The following EXOC6B variants were observed in gnomAD, a reference collection of about 807,000 sequenced individuals.
EXOC6B encodes the protein exocyst complex component 6B, also known as SEC15 homolog B.
EXOC6B carries 54 observed loss-of-function variants against 113.5 expected under a neutral mutation model. The ratio of observed to expected loss-of-function variants is 0.48; its 90% CI spans 0.38 to 0.60. The LOEUF (loss-of-function observed/expected upper bound fraction) is 0.60, where lower values mean the gene tolerates loss of function less well. Among genes scored for constraint, EXOC6B ranks in the 20% least tolerant of loss-of-function variants. The probability of loss-of-function intolerance (pLI) is 0.00; values close to 1 mark genes in which losing one functional copy is unlikely to be tolerated. For synonymous variants in EXOC6B, 357 were observed against 339.0 expected (o/e 1.05, Z -0.58); for missense variants, 797 against 977.5 (o/e 0.82, Z 2.46).
At chr2:72,432,602 C>T (rs634586) in intron 18 of EXOC6B, among the ~76,000 whole-genome samples, 58,885 of 152,016 alleles carry the variant, frequency 0.39, 17,634 homozygotes, top group African/African-American at 0.84. Context: ...TTCCTGACTT[C>T]TTAATGATCC....
chr2:72,624,836 C>T (rs185943465), intron 6 of EXOC6B, among the ~76,000 whole-genome samples: 196 of 152,186 alleles, frequency 1.3e-3, no homozygotes, highest in Admixed American at 3.4e-3. Flanking sequence ...CACATGTTAT[C>T]TTATTTAATT....
At chr2:72,228,771 G>T (rs1681422547) in intron 20 of EXOC6B, among the ~76,000 whole-genome samples, 1 of 152,138 alleles carries the variant, frequency 6.6e-6, no homozygotes, top group African/African-American at 2.4e-5. Context: ...AATCCTTTGG[G>T]TATATACCCA....
intron 6 of EXOC6B, among the ~76,000 whole-genome samples, chr2:72,689,863 T>A (rs1294306366): frequency 6.6e-6 from 1 of 152,214 alleles, no homozygotes; most frequent in Non-Finnish European, 1.5e-5. Context: ...GTCGAAAGCA[T>A]ACATAAAATA....
chr2:72,517,378 T>A (rs1312688211), intron 8 of EXOC6B, among the ~76,000 whole-genome samples: 3 of 152,200 alleles, frequency 2.0e-5, no homozygotes, highest in Admixed American at 6.5e-5. Context: ...TATGGTTTGT[T>A]GAACCCTGGT....
At chr2:72,647,882 T>C (rs1030534135) in intron 6 of EXOC6B, among the ~76,000 whole-genome samples, 1 of 152,152 alleles carries the variant, frequency 6.6e-6, no homozygotes, top group Non-Finnish European at 1.5e-5. Flanking sequence ...AAGGACTTCA[T>C]GACTAAAACA....
intron 20 of EXOC6B, among the ~76,000 whole-genome samples, chr2:72,234,374 C>A (rs540398049): frequency 4.6e-5 from 7 of 152,154 alleles, no homozygotes; most frequent in African/African-American, 1.4e-4. Flanking sequence ...TGAGGCACTG[C>A]GCCCAGCCTT....
At chr2:72,497,375 C>T (rs1045774009) in intron 13 of EXOC6B, among the ~76,000 whole-genome samples, 4 of 152,060 alleles carry the variant, frequency 2.6e-5, no homozygotes, top group Admixed American at 2.0e-4. Context: ...ACTTTACCTA[C>T]TGCTCTATAT....
At chr2:72,575,318 T>C (rs768578875) in intron 7 of EXOC6B, among the ~76,000 whole-genome samples, 174 bp downstream of exon 7, 1 of 152,176 alleles carries the variant, frequency 6.6e-6, no homozygotes, top group Non-Finnish European at 1.5e-5. Context: ...AGGATCTAAA[T>C]TATCTTAGTA....
At chr2:72,390,860 T>C (rs1010169926) in intron 18 of EXOC6B, among the ~76,000 whole-genome samples, 3 of 152,204 alleles carry the variant, frequency 2.0e-5, no homozygotes, top group Non-Finnish European at 4.4e-5. Context: ...GTTTGTTTGT[T>C]TGATTGTTTG....
intron 6 of EXOC6B, among the ~76,000 whole-genome samples, chr2:72,694,415 G>A (rs1313201142): frequency 1.3e-5 from 2 of 152,094 alleles, no homozygotes; most frequent in South Asian, 2.1e-4. Flanking sequence ...GTACTACAGC[G>A]TGGGTAACAG....
chr2:72,411,342 C>T (rs191916424), intron 18 of EXOC6B, among the ~76,000 whole-genome samples: 8 of 152,220 alleles, frequency 5.3e-5, no homozygotes, highest in Admixed American at 2.0e-4. Flanking sequence ...GCCAGAGGAG[C>T]TCTTAGGCTG....
chr2:72,370,804 T>C (rs1572984407), intron 19 of EXOC6B, among the ~76,000 whole-genome samples: 1 of 150,068 alleles, frequency 6.7e-6, no homozygotes, highest in East Asian at 2.0e-4. Flanking sequence ...TAGGTGGGAA[T>C]TGAACAGTGA....
At chr2:72,651,698 C>G (rs986205313) in intron 6 of EXOC6B, among the ~76,000 whole-genome samples, 2 of 152,158 alleles carry the variant, frequency 1.3e-5, no homozygotes, top group Non-Finnish European at 2.9e-5. Flanking sequence ...CAGGTTCATG[C>G]CATTCTCCTG....
intron 1 of EXOC6B, among the ~76,000 whole-genome samples, chr2:72,779,817 G>A (rs1683921528): frequency 6.6e-6 from 1 of 152,204 alleles, no homozygotes; most frequent in African/African-American, 2.4e-5. Flanking sequence ...TTTGGTCTCA[G>A]AGATACAATA....
intron 1 of EXOC6B, among the ~76,000 whole-genome samples, chr2:72,819,841 A>G (rs970375715): frequency 7.9e-5 from 12 of 152,232 alleles, no homozygotes; most frequent in Non-Finnish European, 1.5e-4. Flanking sequence ...GCATTGTACC[A>G]TGAAGGATGC....
intron 19 of EXOC6B, among the ~76,000 whole-genome samples, chr2:72,339,102 G>A (rs189003237): frequency 1.3e-5 from 2 of 152,132 alleles, no homozygotes; most frequent in Non-Finnish European, 2.9e-5. Flanking sequence ...CTCAGATGCT[G>A]CTTGATAGAA....
intron 21 of EXOC6B, among the ~76,000 whole-genome samples, chr2:72,183,173 T>C (rs1056258282): frequency 6.6e-6 from 1 of 152,166 alleles, no homozygotes; most frequent in African/African-American, 2.4e-5. Context: ...CTTGTCTTCC[T>C]AGGATTTGAG....
intron 7 of EXOC6B, among the ~76,000 whole-genome samples, chr2:72,560,079 T>G (rs1703807983): frequency 6.6e-6 from 1 of 152,020 alleles, no homozygotes; most frequent in Admixed American, 6.6e-5. Context: ...AGACAAAGAA[T>G]GGAAAAGTCA....
intron 13 of EXOC6B, among the ~76,000 whole-genome samples, 195 bp downstream of exon 13, chr2:72,498,259 A>T (rs1700139118): frequency 6.6e-6 from 1 of 152,214 alleles, no homozygotes; most frequent in South Asian, 2.1e-4. Context: ...ATACACTGAG[A>T]CTGGATATCT....
Sources: allele counts gnomAD v4.1 joint callset (sites outside exome capture counted in the v4.1 genomes callset), GRCh38; gene constraint gnomAD v4.1.1; transcripts MANE v1.5; gene names NCBI Gene and HGNC (gene_info 2026-07-23, HGNC 2026-07-21).